Variants in TSPAN15 observed in about 807,000 individuals in gnomAD.
The protein encoded by TSPAN15 is tetraspanin 15, also known as tetraspanin-15.
Under a neutral mutation model 34.5 loss-of-function variants are expected in TSPAN15, and 20 were observed. That is an observed-to-expected ratio of 0.58 (90% CI 0.41 to 0.84). The LOEUF (loss-of-function observed/expected upper bound fraction) is 0.84, where lower values mean the gene tolerates loss of function less well. Among genes scored for constraint, TSPAN15 ranks in the 40% least tolerant of loss-of-function variants. TSPAN15 has a pLI of 0.00. For missense variants in TSPAN15, 313 were observed against 386.1 expected (o/e 0.81, Z 1.59); for synonymous variants, 155 against 153.9 (o/e 1.01, Z -0.05).
chr10:69,498,505 AG>A lies in TSPAN15; in HGVS notation c.570+112del, dbSNP rs1304449627. The A allele has an allele frequency of 4.6e-6, 4 of 873,998 alleles. No homozygotes were observed. In the African/African-American group the frequency reaches 6.7e-5, roughly 15 times the overall value. The allele number at this position is 873,998 out of a possible 1,614,324, so 54.1% of individuals were successfully genotyped here. ...AAGATGGGTGGTGTGGGTGGATGGC[AG>A]GGAAGTAGGAGTTGGTGGCAGAGCG... On this transcript the variant is annotated intron_variant, in intron 5 of 7. Transcript: ENST00000373290.
intron 2 of TSPAN15, among the ~76,000 whole-genome samples, chr10:69,484,278 GCCGGGGCTGCTC>G (rs1249928395): frequency 2.0e-5 from 3 of 152,212 alleles, no homozygotes; most frequent in African/African-American, 7.2e-5. Context: ...GCCCCTGCCA[GCCGGGGCTGCTC>G]CCTTTGCAGT....
At chr10:69,452,229 G>T (rs573443547) in intron 1 of TSPAN15, among the ~76,000 whole-genome samples, 11 of 152,324 alleles carry the variant, frequency 7.2e-5, no homozygotes, top group Middle Eastern at 3.4e-3. Flanking sequence ...ACCAGACGAC[G>T]TCTCCTGCAC....
At chr10:69,459,468 C>T (rs941886568) in intron 1 of TSPAN15, among the ~76,000 whole-genome samples, 7 of 152,030 alleles carry the variant, frequency 4.6e-5, no homozygotes, top group African/African-American at 1.7e-4. Flanking sequence ...CAGGGAAAGC[C>T]TTTATGAGGA....
intron 1 of TSPAN15, among the ~76,000 whole-genome samples, chr10:69,458,776 A>G (rs774232703): frequency 1.3e-5 from 2 of 152,132 alleles, no homozygotes; most frequent in Non-Finnish European, 2.9e-5. Flanking sequence ...AGATGAGCAA[A>G]CTAAGGCCCT....
At chr10:69,530,814 C>CTA in the TSPAN15 span, among the ~76,000 whole-genome samples, 8 of 61,334 alleles carry the variant, frequency 1.3e-4, no homozygotes, top group South Asian at 6.1e-4. Context: ...CTCTCTCTCT[C>CTA]TCTCTCTATA....
At chr10:69,497,851 G>T (rs1345419139) in intron 4 of TSPAN15, among the ~76,000 whole-genome samples, 1 of 152,206 alleles carries the variant, frequency 6.6e-6, no homozygotes, top group Non-Finnish European at 1.5e-5. Flanking sequence ...GCTGGACGGG[G>T]TGGCTCCTAG....
the TSPAN15 span, among the ~76,000 whole-genome samples, chr10:69,515,705 C>T: frequency 6.6e-6 from 1 of 152,354 alleles, no homozygotes; most frequent in South Asian, 2.1e-4. Context: ...CTTTCCACAG[C>T]TCGTGACCCC....
rs1457773553 is a variant in TSPAN15, at chr10:69,478,552, C to G, written c.97-5139C>G. 2.6e-5 allele frequency among the ~76,000 whole-genome samples: 4 copies of G among 152,196 alleles called. No homozygotes were observed. In the East Asian group the frequency reaches 7.7e-4, roughly 29 times the overall value. ...CACTTTTGTTCAAATTCCTAGAGCC[C>G]TCTTCACCTCTCCATGGCAGGAATG... On this transcript the variant is annotated intron_variant, in intron 1 of 7. Transcript: ENST00000373290.
In TSPAN15 at chr10:69,506,356, G is replaced by C; in HGVS notation, c.735+116G>C. ...CATAGAAGTCCAGGACTTGCCTGGG[G>C]AGGGCTGCATGGCTGGAAGGAGGGG... On this transcript the variant is annotated intron_variant, in intron 7 of 7. Coordinates refer to ENST00000373290, the MANE Select transcript of TSPAN15 (RefSeq NM_012339.5). This position sits in a 1 kb window ranked among gnomAD's most constrained non-coding sequence, Gnocchi z 4.7. 1 of 997,124 alleles carries C rather than the reference G, an allele frequency of 1.0e-6. No homozygotes were observed. Among genetic ancestry groups the C allele is most frequent in the South Asian group, 1.5e-5 (1 of 66,444 alleles). 61.8% of individuals were successfully genotyped at this position (997,124 alleles called of 1,614,324 possible).
At chr10:69,514,232 A>G in the TSPAN15 span, among the ~76,000 whole-genome samples, 1 of 152,358 alleles carries the variant, frequency 6.6e-6, no homozygotes, top group Middle Eastern at 3.4e-3. Context: ...CCATTCAGTG[A>G]TGATATAGTA....
intron 1 of TSPAN15, among the ~76,000 whole-genome samples, chr10:69,471,954 G>A (rs989589333): frequency 2.0e-5 from 3 of 152,050 alleles, no homozygotes; most frequent in African/African-American, 7.3e-5. Context: ...TTTAATTTAT[G>A]GTAAATAATT....
chr10:69,507,129 G>T lies in TSPAN15; in HGVS notation c.*151G>T, dbSNP rs1470940338. The T allele has an allele frequency of 6.9e-7, 1 of 1,453,238 alleles. No individual in the cohort carries two copies. Among genetic ancestry groups the T allele is most frequent in the African/African-American group, 1.4e-5 (1 of 69,734 alleles). The allele number at this position is 1,453,238 out of a possible 1,614,324, so 90.0% of individuals were successfully genotyped here. A position where few individuals can be genotyped will look rare whatever the true frequency, so the allele number is the denominator to read the frequency against. ...TGTGTGCCTGTGTGTAGGTCCCACG[G>T]CCTCTGCCTCCCCAGGGAGCAGAGC... On this transcript the variant is annotated 3_prime_UTR_variant, in exon 8 of 8. Coordinates refer to ENST00000373290, the MANE Select transcript of TSPAN15 (RefSeq NM_012339.5).
the TSPAN15 span, among the ~76,000 whole-genome samples, chr10:69,540,904 A>G: frequency 6.6e-6 from 1 of 152,120 alleles, no homozygotes. Flanking sequence ...CGGGGCTAGG[A>G]GGCTGCAGCT....
downstream of TSPAN15, among the ~76,000 whole-genome samples, chr10:69,508,783 G>A (rs1292184309): frequency 6.6e-6 from 1 of 152,202 alleles, no homozygotes; most frequent in African/African-American, 2.4e-5. Context: ...GCAGGCAGCT[G>A]GTAAGTGACA....
rs143732219 is a variant in TSPAN15 at position 69,471,384 on chromosome 10, A to G, written c.97-12307A>G. On this transcript the variant is annotated intron_variant, in intron 1 of 7. Coordinates refer to ENST00000373290, the MANE Select transcript of TSPAN15 (RefSeq NM_012339.5). ...AACACTCGATGTGGCAGTGGAGCCA[A>G]TGAGGAGCAGATCTGAGAATCCAGC... 4.3e-3 allele frequency among the ~76,000 whole-genome samples: 662 copies of G among 152,304 alleles called. 1 individual carries two copies. The highest frequency in any genetic ancestry group is 8.1e-3 in the Admixed American group (124 of 15,298).
intron 1 of TSPAN15, among the ~76,000 whole-genome samples, chr10:69,460,056 TGAGATGAGATGAGAA>T (rs1841216306): frequency 8.5e-6 from 1 of 117,976 alleles, no homozygotes. Context: ...TGAGATGAGA[TGAGATGAGATGAGAA>T]CCTCTGGAAT....
intron 3 of TSPAN15, among the ~76,000 whole-genome samples, chr10:69,487,185 C>T (rs716787): frequency 0.073 from 11,149 of 152,030 alleles, 1,327 homozygotes; most frequent in African/African-American, 0.25. Flanking sequence ...CCCGTGACCC[C>T]GGGCATGGTT....
chr10:69,506,491 G>A lies in TSPAN15; in HGVS notation c.735+251G>A, dbSNP rs547001390. On this transcript the variant is annotated intron_variant, in intron 7 of 7. Transcript: ENST00000373290. The surrounding 1 kb of genome is among the most constrained non-coding windows in gnomAD (Gnocchi z 4.7). The stretch of plus-strand genomic sequence containing the variant: ...ATTATAATGCCTATTTCACAGAGGA[G>A]GAAACTGAGGAGCAGCAAGCTTCAG... Among the ~76,000 whole-genome samples the A allele has an allele frequency of 3.3e-5, 5 of 152,330 alleles. No individual in the cohort carries two copies. The highest frequency in any genetic ancestry group is 7.4e-5 in the Non-Finnish European group (5 of 68,024).
intron 1 of TSPAN15, among the ~76,000 whole-genome samples, chr10:69,464,595 T>C (rs1327522888): frequency 6.6e-6 from 1 of 152,220 alleles, no homozygotes; most frequent in Non-Finnish European, 1.5e-5. Context: ...AAATCAAAAC[T>C]GCTTGCCAAG....
Sources: allele counts gnomAD v4.1 joint callset (sites outside exome capture counted in the v4.1 genomes callset), GRCh38; gene constraint gnomAD v4.1.1; non-coding constraint Gnocchi (gnomAD v3.1); transcripts MANE v1.5; gene names NCBI Gene and HGNC (gene_info 2026-07-23, HGNC 2026-07-21).